The following HEG1 variants were observed in gnomAD, a reference collection of about 807,000 sequenced individuals.
HEG1 encodes the protein protein HEG homolog 1.
A neutral mutation model predicts 125.6 loss-of-function variants in HEG1; 56 were observed. The observed-to-expected ratio is 0.45, with a 90% confidence interval of 0.36 to 0.56. The LOEUF is 0.56. Among genes scored for constraint, HEG1 ranks in the 20% least tolerant of loss-of-function variants. HEG1 has a pLI of 0.00. For synonymous variants in HEG1, 644 were observed against 668.5 expected (o/e 0.96, Z 0.57); for missense variants, 1,523 against 1,670.0 (o/e 0.91, Z 1.53).
chr3:124,971,269 T>C (rs1389467712), intron 16 of HEG1: 1 of 425,994 alleles, frequency 2.3e-6, no homozygotes, highest in Non-Finnish European at 4.7e-6. Context: ...GAGAGCCCAA[T>C]GTGGGAATCA....
At chr3:124,991,563 G>T (rs1481871326) in intron 12 of HEG1, among the ~76,000 whole-genome samples, 2 of 152,160 alleles carry the variant, frequency 1.3e-5, no homozygotes, top group East Asian at 3.8e-4. Flanking sequence ...CAATCCAATG[G>T]CTTAGTACAG....
rs753638813 is a variant in HEG1, at chr3:124,973,820, G to A, written c.3907C>T (p.Arg1303Cys). The A allele has an allele frequency of 1.2e-5, 19 of 1,613,550 alleles. No individual in the cohort carries two copies. The highest frequency in any genetic ancestry group is 5.3e-5 in the African/African-American group (4 of 74,896). The change falls in exon 16 of 17, where the codon CGC becomes TGC. Residue 1303 changes from arginine (R) to cysteine (C), a missense_variant. By Grantham distance (180) the Arg-to-Cys change is radical (BLOSUM62 -3). Transcript: ENST00000311127. ...GCTTCTCGGCCCCATTCTTGTGAGC[G>A]AGGATTTTTGGGGTATTCAGCATAC... Reference protein sequence around the residue: ...SPYAEYPKNPRSQEWGREAIE... With the variant: ...SPYAEYPKNPCSQEWGREAIE...
chr3:125,006,693 A>C (rs1937075415), intron 8 of HEG1, among the ~76,000 whole-genome samples: 1 of 152,226 alleles, frequency 6.6e-6, no homozygotes, highest in Admixed American at 6.5e-5. Flanking sequence ...GCATTTCAGC[A>C]TGCTCTAATT....
chr3:124,989,969 C>G (rs1189176836), intron 14 of HEG1, among the ~76,000 whole-genome samples: 1 of 152,192 alleles, frequency 6.6e-6, no homozygotes, highest in East Asian at 1.9e-4. Flanking sequence ...TCCGATCTTC[C>G]TATCTTCCAG....
At chr3:125,003,649 A>G (rs1937031960) in intron 9 of HEG1, among the ~76,000 whole-genome samples, 2 of 152,196 alleles carry the variant, frequency 1.3e-5, no homozygotes, top group African/African-American at 2.4e-5. Flanking sequence ...TATCAGCTCA[A>G]CCTCTAGAGG....
intron 3 of HEG1, among the ~76,000 whole-genome samples, chr3:125,021,813 C>T (rs959193929): frequency 6.6e-6 from 1 of 152,104 alleles, no homozygotes; most frequent in African/African-American, 2.4e-5. Context: ...TTATTATTAC[C>T]CCACAAATTT....
chr3:125,044,931 G>A (rs1222340062), intron 1 of HEG1, among the ~76,000 whole-genome samples: 4 of 152,056 alleles, frequency 2.6e-5, no homozygotes, highest in East Asian at 3.9e-4. Flanking sequence ...GGAATTCAGC[G>A]CTCTGATACG....
intron 11 of HEG1, among the ~76,000 whole-genome samples, chr3:124,999,972 C>T (rs1164860074): frequency 1.3e-5 from 2 of 152,112 alleles, no homozygotes; most frequent in East Asian, 1.9e-4. Flanking sequence ...TGGCAGTGTC[C>T]AGAGTAGCCC....
chr3:125,055,087 C>T (rs376060498), intron 1 of HEG1, among the ~76,000 whole-genome samples: 6 of 152,160 alleles, frequency 3.9e-5, no homozygotes, highest in African/African-American at 1.2e-4. Context: ...ACCAGTAGAG[C>T]GTTTTGTTTC....
Position 124,967,976 on chromosome 3 carries a change from C to G in HEG1, c.*2676G>C, listed in dbSNP as rs954699551. On this transcript the variant is annotated 3_prime_UTR_variant, in exon 17 of 17. Coordinates refer to ENST00000311127, the MANE Select transcript of HEG1 (RefSeq NM_020733.2). ...CAGTGTGTGACGGGACACACAGATGCCCCTGCGCCCGGCTCCTCTCTATGG... is the reference window on the plus strand; with the variant it reads ...CAGTGTGTGACGGGACACACAGATGGCCCTGCGCCCGGCTCCTCTCTATGG... 6.6e-6 allele frequency: 1 copy of G among 152,342 alleles called. No individual in the cohort carries two copies. Among genetic ancestry groups the G allele is most frequent in the Non-Finnish European group, 1.5e-5 (1 of 68,130 alleles). 9.4% of individuals were successfully genotyped at this position (152,342 alleles called of 1,614,324 possible). A position where few individuals can be genotyped will look rare whatever the true frequency, so the allele number is the denominator to read the frequency against.
rs554261455 is a variant in HEG1, at chr3:124,997,708, C to G, written c.3633G>C (p.Lys1211Asn). 1.0e-5 allele frequency: 16 copies of G among 1,588,844 alleles called. No individual in the cohort carries two copies. In the Admixed American group the frequency reaches 2.7e-4, roughly 27 times the overall value. Residue 1211 changes from lysine to asparagine, a missense_variant, in exon 12 of 17, where the codon AAG (lysine) becomes AAC (asparagine). Physicochemically the swap from Lys to Asn is moderately conservative, Grantham distance 94. Transcript: ENST00000311127. ...GGCTACCTCGGCAGGAGTGGTCCAT[C>G]TTGTTGAACTGAAAGTATCCCGACT... ...QCKSGYFQFN[K>N]MDHSCRACED...
At chr3:125,053,346 G>C (rs1042470410) in intron 1 of HEG1, among the ~76,000 whole-genome samples, 1 of 152,144 alleles carries the variant, frequency 6.6e-6, no homozygotes, top group African/African-American at 2.4e-5. Flanking sequence ...ACTGAACACT[G>C]GTTTTCTTAT....
chr3:125,008,351 C>T (rs1560023511), intron 8 of HEG1, among the ~76,000 whole-genome samples: 1 of 152,200 alleles, frequency 6.6e-6, no homozygotes, highest in African/African-American at 2.4e-5. Context: ...CTTAAAAATT[C>T]TCTTCAGCCC....
Position 124,968,652 on chromosome 3 carries a change from T to C in HEG1, c.*2000A>G, listed in dbSNP as rs1457467561. The C allele has an allele frequency of 2.0e-5, 3 of 152,186 alleles. No homozygotes were observed. Among genetic ancestry groups the C allele is most frequent in the African/African-American group, 7.2e-5 (3 of 41,448 alleles). The allele number at this position is 152,186 out of a possible 1,614,324, so 9.4% of individuals were successfully genotyped here. A position where few individuals can be genotyped will look rare whatever the true frequency, so the allele number is the denominator to read the frequency against. On this transcript the variant is annotated 3_prime_UTR_variant, in exon 17 of 17. Coordinates refer to ENST00000311127, the MANE Select transcript of HEG1 (RefSeq NM_020733.2). ...GGCAGTGGAAGTGTATGCCTGGGAA[T>C]AGCCTCCCTACATGGCTCTTCCCAC...
chr3:125,040,421 T>C (rs1937584693), intron 1 of HEG1, among the ~76,000 whole-genome samples: 1 of 152,056 alleles, frequency 6.6e-6, no homozygotes, highest in South Asian at 2.1e-4. Flanking sequence ...CCTAGGTCTT[T>C]CTAGGGTGTC....
At chr3:125,039,196 T>C (rs781178990) in intron 1 of HEG1, among the ~76,000 whole-genome samples, 1 of 152,118 alleles carries the variant, frequency 6.6e-6, no homozygotes, top group Non-Finnish European at 1.5e-5. Context: ...TTCCTCCTAA[T>C]TGACAACTTC....
Position 125,012,745 on chromosome 3 carries a change from C to A in HEG1, c.2834G>T (p.Gly945Val), listed in dbSNP as rs748985820. Reference sequence around the variant, plus strand: ...TGTGGTTTGGGGAGAAGGAGATGTTCCGAGGGAACGTGAAGCTGGGCTGTA... The same window carrying A: ...TGTGGTTTGGGGAGAAGGAGATGTTACGAGGGAACGTGAAGCTGGGCTGTA... ...AEYSPASRSL[G>V]TSPSPQTTVV... Residue 945 changes from glycine to valine, a missense_variant, in exon 6 of 17, where the codon GGA becomes GTA. By Grantham distance (109) the Gly-to-Val change is moderately radical (BLOSUM62 -3). Coordinates refer to ENST00000311127, the MANE Select transcript of HEG1 (RefSeq NM_020733.2). 2 of 1,613,982 alleles carry A rather than the reference C, an allele frequency of 1.2e-6. No individual in the cohort carries two copies. The highest frequency in any genetic ancestry group is 2.2e-5 in the South Asian group (2 of 91,070).
Position 125,029,385 on chromosome 3 carries a change from C to T in HEG1, c.420G>A (p.Glu140=). 1 of 1,612,868 alleles carries T rather than the reference C, an allele frequency of 6.2e-7. No individual in the cohort carries two copies. Among genetic ancestry groups the T allele is most frequent in the Non-Finnish European group, 8.5e-7 (1 of 1,179,890 alleles). The stretch of plus-strand genomic sequence containing the variant: ...TCCCAGAGGTCTGAACCATCACGCC[C>T]TCTTTGGAGGACACTGTTGAAAAGT... The part of the protein sequence containing the change: ...QEDFSTVSSK[E]GVMVQTSGKS... The change falls in exon 2 of 17, where the codon GAG becomes GAA. Residue 140 remains glutamate (E), a synonymous_variant. Transcript: ENST00000311127.
chr3:125,009,470 T>A (rs1251155136), intron 8 of HEG1: 2 of 319,352 alleles, frequency 6.3e-6, no homozygotes, highest in Non-Finnish European at 1.2e-5. Context: ...TTTATACAGA[T>A]ATCCTATGAT....
Sources: gnomAD v4.1 joint callset for allele counts (sites outside exome capture counted in the v4.1 genomes callset) on GRCh38, gnomAD v4.1.1 for gene constraint, MANE v1.5 for transcripts, NCBI Gene and HGNC (gene_info 2026-07-23, HGNC 2026-07-21) for gene names.